The following CC2D2A variants were observed in gnomAD, a reference collection of about 807,000 sequenced individuals.
The protein encoded by CC2D2A is coiled-coil and C2 domain containing 2A.
In CC2D2A, 155 loss-of-function variants were observed where a neutral mutation model predicts 212.9. The observed-to-expected ratio is 0.73, with a 90% CI of 0.64 to 0.83. The LOEUF (loss-of-function observed/expected upper bound fraction) is 0.83, where lower values mean the gene tolerates loss of function less well. Ranked by LOEUF, CC2D2A falls within the 40% of genes least tolerant of loss-of-function variation. The pLI is 0.00. For synonymous variants in CC2D2A, 667 were observed against 686.5 expected (o/e 0.97, Z 0.44); for missense variants, 1,856 against 1,956.2 (o/e 0.95, Z 0.97).
rs144657430 is a variant in CC2D2A at position 15,471,782 on chromosome 4, T to C, written c.-19+1725T>C. Among the ~76,000 whole-genome samples the C allele has an allele frequency of 6.8e-4, 103 of 152,288 alleles. 1 individual carries two copies. The East Asian group carries it at 0.016, about 24-fold the overall frequency. On this transcript the variant is annotated intron_variant, in intron 1 of 36. Coordinates refer to ENST00000424120, the MANE Select transcript of CC2D2A (RefSeq NM_001378615.1). ...CTATAAACCCATGTTTTTGCCATCC[T>C]GGAGTAGGGCATATATATTGTATGA...
At chr4:15,530,781 C>T (rs766404694) in intron 13 of CC2D2A, among the ~76,000 whole-genome samples, 3 of 151,776 alleles carry the variant, frequency 2.0e-5, no homozygotes, top group Non-Finnish European at 4.4e-5. Flanking sequence ...TTCCTCAAGC[C>T]CCCTGGGATC....
At chr4:15,591,957 C>T (rs1721125658) in intron 33 of CC2D2A, among the ~76,000 whole-genome samples, 2 of 152,120 alleles carry the variant, frequency 1.3e-5, no homozygotes, top group Admixed American at 1.3e-4. Context: ...GTTGTGCATC[C>T]CCCATTGTAG....
At chr4:15,503,183 G>C (rs939548473) in intron 6 of CC2D2A, among the ~76,000 whole-genome samples, 3 of 151,830 alleles carry the variant, frequency 2.0e-5, no homozygotes, top group African/African-American at 7.3e-5. Context: ...TGTGCCTGTA[G>C]TCCCAGCTAC....
At chr4:15,542,052 C>T (rs1008522260) in intron 17 of CC2D2A, among the ~76,000 whole-genome samples, 6 of 152,050 alleles carry the variant, frequency 3.9e-5, no homozygotes, top group African/African-American at 1.4e-4. Context: ...CTTCACATAG[C>T]CTTCTCTGTG....
intron 1 of CC2D2A, among the ~76,000 whole-genome samples, chr4:15,472,291 G>A (rs960096021): frequency 6.6e-6 from 1 of 152,174 alleles, no homozygotes; most frequent in Non-Finnish European, 1.5e-5. Flanking sequence ...TTATTGTGAG[G>A]ACTAAAGAGA....
chr4:15,574,070 C>T lies in CC2D2A; in HGVS notation c.3595-80C>T, dbSNP rs908719379. ...AGCAATTTTGGTTCAATTTATTAAACAATGAGGAGTTGACACTTGCCTCTC... is the reference window on the plus strand; with the variant it reads ...AGCAATTTTGGTTCAATTTATTAAATAATGAGGAGTTGACACTTGCCTCTC... On this transcript the variant is annotated intron_variant, in intron 28 of 36. Coordinates refer to ENST00000424120, the MANE Select transcript of CC2D2A (RefSeq NM_001378615.1). 8 of 1,222,468 alleles carry T rather than the reference C, an allele frequency of 6.5e-6. No homozygotes were observed. The East Asian group carries it at 1.8e-4, about 27-fold the overall frequency. 75.7% of individuals were successfully genotyped at this position (1,222,468 alleles called of 1,614,324 possible). A position where few individuals can be genotyped will look rare whatever the true frequency, so the allele number is the denominator to read the frequency against.
intron 11 of CC2D2A, among the ~76,000 whole-genome samples, chr4:15,524,120 T>C (rs1483762486): frequency 6.6e-6 from 1 of 152,158 alleles, no homozygotes; most frequent in Non-Finnish European, 1.5e-5. Context: ...CAATGATTAT[T>C]AATTTTCTGT....
chr4:15,478,789 C>G lies in CC2D2A; in HGVS notation c.106C>G (p.Gln36Glu). ...RQNKNSKVRR[Q>E]PRKKQPPTAV... The stretch of plus-strand genomic sequence containing the variant: ...GAATAAGAACTCAAAGGTTCGAAGA[C>G]AGCCAAGAAAGAAACAGGTAAGAAG... Residue 36 changes from glutamine to glutamate, a missense_variant, in exon 3 of 37, where the codon CAG becomes GAG. Physicochemically the swap from Gln to Glu is conservative, Grantham distance 29. Transcript: ENST00000424120. 1 of 1,553,878 alleles carries G rather than the reference C, an allele frequency of 6.4e-7. No individual in the cohort carries two copies. The highest frequency in any genetic ancestry group is 8.7e-7 in the Non-Finnish European group (1 of 1,148,128).
chr4:15,526,582 A>T (rs996349186), intron 11 of CC2D2A, among the ~76,000 whole-genome samples: 1 of 152,230 alleles, frequency 6.6e-6, no homozygotes, highest in African/African-American at 2.4e-5. Context: ...CCACATTATC[A>T]TTATCATACA....
Position 15,510,151 on chromosome 4 carries a change from G to T in CC2D2A, c.451G>T (p.Val151Leu), listed in dbSNP as rs1485264498. ...TCCACTCATATAGCCAGGGAAAGAG[G>T]TAGAAAGGACTCAACAAGAAGTTGA... ...TEFGTEPGKEVERTQQEVDSQ... is the reference protein window; with the variant it reads ...TEFGTEPGKELERTQQEVDSQ... Residue 151 changes from valine (V) to leucine (L), a missense_variant, in exon 7 of 37, where the codon GTA (valine) becomes TTA (leucine). Physicochemically the swap from Val to Leu is conservative, Grantham distance 32. Transcript: ENST00000424120. The T allele has an allele frequency of 1.9e-6, 3 of 1,612,424 alleles. No individual in the cohort carries two copies. The East Asian group carries it at 6.7e-5, about 36-fold the overall frequency.
chr4:15,546,594 G>A (rs1470325468), intron 17 of CC2D2A, among the ~76,000 whole-genome samples: 1 of 152,234 alleles, frequency 6.6e-6, no homozygotes, highest in Non-Finnish European at 1.5e-5. Flanking sequence ...GTTTGGAGAA[G>A]TGTCCTTGTT....
chr4:15,588,003 A>C, intron 32 of CC2D2A, 74 bp downstream of exon 32: 1 of 784,312 alleles, frequency 1.3e-6, no homozygotes, highest in Non-Finnish European at 2.1e-6. Flanking sequence ...GATCACACAC[A>C]GGACATATTT....
intron 14 of CC2D2A, chr4:15,533,594 A>C (rs899231288): frequency 2.3e-5 from 7 of 308,818 alleles, no homozygotes; most frequent in Admixed American, 2.1e-4. Context: ...ATCTCTAAGA[A>C]TATATAGTTT....
At chr4:15,600,148 T>C (rs1262776210) in intron 36 of CC2D2A, among the ~76,000 whole-genome samples, 2 of 152,190 alleles carry the variant, frequency 1.3e-5, no homozygotes, top group Admixed American at 6.5e-5. Flanking sequence ...TAATAAAACC[T>C]ACAAAGCAGG....
Position 15,587,691 on chromosome 4 carries a change from C to G in CC2D2A, c.4066-125C>G, listed in dbSNP as rs6449150. The G allele has an allele frequency of 0.85, 407,680 of 479,172 alleles. 174,276 individuals are homozygous for G. The highest frequency in any genetic ancestry group is 0.96 in the East Asian group (29,606 of 30,688). 29.7% of individuals were successfully genotyped at this position (479,172 alleles called of 1,614,324 possible). ...AATTATCAACATAGTATCAAAATTT[C>G]GGGCAAGATTATAGGTCTTACACTT... On this transcript the variant is annotated intron_variant, in intron 31 of 36. Transcript: ENST00000424120.
chr4:15,543,712 C>T (rs1718574008), intron 17 of CC2D2A: 1 of 152,386 alleles, frequency 6.6e-6, no homozygotes, highest in Non-Finnish European at 1.5e-5. Context: ...TCTATTCCAT[C>T]TGCTCTGGGG....
chr4:15,480,557 A>T, intron 3 of CC2D2A, 147 bp from the exon 4 acceptor site: 1 of 858,894 alleles, frequency 1.2e-6, no homozygotes, highest in Non-Finnish European at 1.6e-6. Context: ...GTGGGTACTC[A>T]CAGTGAGTCA....
Position 15,567,726 on chromosome 4 carries a change from A to C in CC2D2A, c.3338A>C (p.His1113Pro). 10 of 1,606,294 alleles carry C rather than the reference A, an allele frequency of 6.2e-6. No homozygotes were observed. Among genetic ancestry groups the C allele is most frequent in the Non-Finnish European group, 8.5e-6 (10 of 1,178,136 alleles). The change falls in exon 26 of 37, where the codon CAT becomes CCT. Residue 1113 changes from histidine to proline, a missense_variant. By Grantham distance (77) the His-to-Pro change is moderately conservative. Around this residue, in one of 5 missense-constraint regions of CC2D2A, gnomAD observed 1,512 missense variants for 1,579.3 expected, o/e 0.96. Transcript: ENST00000424120. ...GTCTCTTTTCAACGAACAGTTTGCC[A>C]TACGACTACGGCTGAAGGACCAAAC... ...VEVSFQRTVC[H>P]TTTAEGPNPS...
At chr4:15,586,268 AT>A (rs767491854) in intron 31 of CC2D2A, 22 bp downstream of exon 31, 2 of 1,462,406 alleles carry the variant, frequency 1.4e-6, no homozygotes, top group Admixed American at 2.0e-5. Flanking sequence ...TTCTTCACAG[AT>A]TTAGAAACTT....
Sources: allele counts gnomAD v4.1 joint callset (sites outside exome capture counted in the v4.1 genomes callset), GRCh38; gene constraint gnomAD v4.1.1; regional missense constraint gnomAD v4.1.1; transcripts MANE v1.5; gene names NCBI Gene and HGNC (gene_info 2026-07-23, HGNC 2026-07-21).